GAD2: variants seen among roughly 807,000 people sequenced by gnomAD.
The protein encoded by GAD2 is 65 kDa glutamic acid decarboxylase.
GAD2 carries 22 observed loss-of-function variants against 80.1 expected under a neutral mutation model. That is an observed-to-expected ratio of 0.27 (90% CI 0.20 to 0.39). The LOEUF is 0.39. GAD2 is among the 10% of genes least tolerant of loss of function. The pLI is 1.00. For missense variants in GAD2, 624 were observed against 738.4 expected (o/e 0.85, Z 1.80); for synonymous variants, 274 against 256.9 (o/e 1.07, Z -0.64).
chr10:26,276,656 A>G (rs1412910313), intron 11 of GAD2, among the ~76,000 whole-genome samples: 1 of 152,122 alleles, frequency 6.6e-6, no homozygotes, highest in Non-Finnish European at 1.5e-5. Context: ...CCAAAATGCT[A>G]GTATTACAGG....
chr10:26,247,776 G>C (rs947196967), intron 8 of GAD2, among the ~76,000 whole-genome samples: 1 of 151,122 alleles, frequency 6.6e-6, no homozygotes, highest in African/African-American at 2.4e-5. Context: ...TGCGCCTGTG[G>C]TCCCAGCTAC....
chr10:26,247,196 C>T (rs139211430), intron 8 of GAD2, among the ~76,000 whole-genome samples: 12 of 152,282 alleles, frequency 7.9e-5, no homozygotes, highest in African/African-American at 2.6e-4. Context: ...ATTATTCATG[C>T]CTCCCCTTTT....
intron 7 of GAD2, among the ~76,000 whole-genome samples, chr10:26,240,185 TC>T (rs1844722970): frequency 6.6e-6 from 1 of 152,188 alleles, no homozygotes; most frequent in Non-Finnish European, 1.5e-5. Context: ...TCCCACCATC[TC>T]TAAAGGGATT....
intron 8 of GAD2, among the ~76,000 whole-genome samples, chr10:26,254,697 A>G (rs1844923801): frequency 6.6e-6 from 1 of 152,220 alleles, no homozygotes; most frequent in South Asian, 2.1e-4. Context: ...ACAACAGCAT[A>G]TTTTTGTGTT....
At chr10:26,247,022 G>A (rs957837124) in intron 8 of GAD2, among the ~76,000 whole-genome samples, 16 of 152,190 alleles carry the variant, frequency 1.1e-4, no homozygotes, top group Non-Finnish European at 1.9e-4. Context: ...CTTGGATCTC[G>A]CGCAAGAAGG....
intron 8 of GAD2, among the ~76,000 whole-genome samples, chr10:26,255,871 G>A (rs990875071): frequency 4.0e-5 from 6 of 151,684 alleles, no homozygotes; most frequent in African/African-American, 7.3e-5. Context: ...AAAGCAACGG[G>A]AGAGTGATGT....
intron 8 of GAD2, among the ~76,000 whole-genome samples, chr10:26,247,991 G>A (rs528180335): frequency 2.7e-4 from 40 of 150,666 alleles, no homozygotes; most frequent in Middle Eastern, 3.5e-3. Flanking sequence ...AGGTTCACTC[G>A]CCAGCAGCAG....
chr10:26,244,883 G>A (rs1844785565), intron 7 of GAD2, among the ~76,000 whole-genome samples: 1 of 152,216 alleles, frequency 6.6e-6, no homozygotes, highest in Non-Finnish European at 1.5e-5. Flanking sequence ...TGGGCACAGT[G>A]GCTCATGCCT....
chr10:26,282,419 T>C (rs1001475207), intron 12 of GAD2, among the ~76,000 whole-genome samples: 1 of 151,832 alleles, frequency 6.6e-6, no homozygotes, highest in African/African-American at 2.4e-5. Context: ...TCCCACAATT[T>C]TTTCTAGAAA....
chr10:26,235,150 AG>A (rs1844656250), intron 7 of GAD2, among the ~76,000 whole-genome samples: 1 of 152,248 alleles, frequency 6.6e-6, no homozygotes, highest in Non-Finnish European at 1.5e-5. Flanking sequence ...CTGGGATTAC[AG>A]GCGTGAGCCA....
At chr10:26,239,508 C>T (rs1191462676) in intron 7 of GAD2, among the ~76,000 whole-genome samples, 2 of 152,166 alleles carry the variant, frequency 1.3e-5, no homozygotes. Flanking sequence ...AGTGACATTT[C>T]CCCGGACTTG....
intron 15 of GAD2, among the ~76,000 whole-genome samples, chr10:26,298,794 G>A (rs753267226): frequency 1.3e-5 from 2 of 152,222 alleles, no homozygotes; most frequent in East Asian, 1.9e-4. Flanking sequence ...ATTTATCTTC[G>A]CAGGAACCAC....
intron 7 of GAD2, among the ~76,000 whole-genome samples, chr10:26,235,757 T>C (rs1238444236): frequency 6.6e-6 from 1 of 152,196 alleles, no homozygotes; most frequent in Non-Finnish European, 1.5e-5. Flanking sequence ...CTCTTTAAAG[T>C]AGGTTTAGAG....
Position 26,300,915 on chromosome 10 carries a change from T to C in GAD2, c.1712T>C (p.Ile571Thr), listed in dbSNP as rs375149379. 1.9e-6 allele frequency: 3 copies of C among 1,613,902 alleles called. No individual in the cohort carries two copies. In the African/African-American group the frequency reaches 4.0e-5, roughly 22 times the overall value. Residue 571 changes from isoleucine to threonine, a missense_variant, in exon 16 of 16, where the codon ATT (isoleucine) becomes ACT (threonine). Coordinates refer to ENST00000376261, the MANE Select transcript of GAD2 (RefSeq NM_001134366.2). ...AACCCAGCGGCAACTCACCAAGACA[T>C]TGACTTCCTGATTGAAGAAATAGAA... ...ISNPAATHQD[I>T]DFLIEEIERL...
At position 26,292,979 on chromosome 10, in the gene GAD2, T is replaced by C. The variant is rs776843333; in HGVS notation, c.1572T>C (p.Ser524=). ...RTLEDNEERM[S]RLSKVAPVIK... The stretch of plus-strand genomic sequence containing the variant: ...TGGAAGACAATGAAGAGAGAATGAG[T>C]CGCCTCTCGAAGGTCAGTGCTCCAA... The change falls in exon 15 of 16, where the codon AGT becomes AGC. Residue 524 remains serine (S), a synonymous_variant. Transcript: ENST00000376261. The C allele has an allele frequency of 3.7e-6, 6 of 1,613,016 alleles. No homozygotes were observed. The Admixed American group carries it at 1.0e-4, about 27-fold the overall frequency.
chr10:26,246,407 G>T (rs920998033), intron 8 of GAD2, among the ~76,000 whole-genome samples: 2 of 152,202 alleles, frequency 1.3e-5, no homozygotes, highest in African/African-American at 4.8e-5. Flanking sequence ...GGAGCAGGAA[G>T]TAAATAAAGC....
At chr10:26,218,147 CG>C (rs1844405063) in intron 3 of GAD2, 156 bp downstream of exon 3, 1 of 788,294 alleles carries the variant, frequency 1.3e-6, no homozygotes, top group East Asian at 3.0e-5. Flanking sequence ...GCGAGAAATG[CG>C]GGACCTGCCC....
rs139483885 is a variant in GAD2 at position 26,253,322 on chromosome 10, G to T, written c.920+7322G>T. 1.2e-4 allele frequency among the ~76,000 whole-genome samples: 19 copies of T among 152,300 alleles called. No homozygotes were observed. In the East Asian group the frequency reaches 3.5e-3, roughly 28 times the overall value. ...GGTTTCCTTTCCTTGTTAACAAAAA[G>T]TTGAATATTCAGTGATGAGGTTGAT... On this transcript the variant is annotated intron_variant, in intron 8 of 15. Transcript: ENST00000376261.
At chr10:26,272,119 C>T (rs748548170) in intron 10 of GAD2, among the ~76,000 whole-genome samples, 1 of 152,160 alleles carries the variant, frequency 6.6e-6, no homozygotes, top group Admixed American at 6.5e-5. Context: ...GGGTGCATTT[C>T]CATTATTCCA....
Sources: allele counts gnomAD v4.1 joint callset (sites outside exome capture counted in the v4.1 genomes callset), GRCh38; gene constraint gnomAD v4.1.1; transcripts MANE v1.5; gene names NCBI Gene and HGNC (gene_info 2026-07-23, HGNC 2026-07-21).